ASB14: variants seen among roughly 807,000 people sequenced by gnomAD.
The protein encoded by ASB14 is ankyrin repeat and SOCS box protein 14.
ASB14 carries 63 observed loss-of-function variants against 55.6 expected under a neutral mutation model. The observed-to-expected ratio is 1.13, with a 90% CI of 0.92 to 1.40. The LOEUF (loss-of-function observed/expected upper bound fraction) is 1.40, where lower values mean the gene tolerates loss of function less well. ASB14 is among the 40% of genes most tolerant of loss of function. The pLI is 0.00. For synonymous variants in ASB14, 256 were observed against 259.9 expected (o/e 0.98, Z 0.15); for missense variants, 724 against 710.4 (o/e 1.02, Z -0.22).
intron 5 of ASB14, among the ~76,000 whole-genome samples, chr3:57,284,024 T>C: frequency 6.6e-6 from 1 of 151,844 alleles, no homozygotes; most frequent in East Asian, 1.9e-4. Context: ...CTTAAGTTTC[T>C]GTAAGGAAAT....
chr3:57,284,189 C>G (rs190712335), intron 5 of ASB14, among the ~76,000 whole-genome samples: 1 of 150,880 alleles, frequency 6.6e-6, no homozygotes. Context: ...TGCAGTGGTA[C>G]GATCATAGCT....
chr3:57,283,016 T>TA (rs2061051132), intron 6 of ASB14, 178 bp downstream of exon 6: 1 of 467,746 alleles, frequency 2.1e-6, no homozygotes, highest in African/African-American at 2.1e-5. Context: ...TCAGACCTAA[T>TA]AAAAAATTCA....
Position 57,276,586 on chromosome 3 carries a change from G to T in ASB14, c.1728C>A (p.Asp576Glu). 1.2e-6 allele frequency: 2 copies of T among 1,613,250 alleles called. No individual in the cohort carries two copies. Among genetic ancestry groups the T allele is most frequent in the Non-Finnish European group, 1.7e-6 (2 of 1,179,514 alleles). The part of the protein sequence containing the change: ...LKAYVLYKEY[D>E]LYGQGIFTGT... Reference sequence around the variant, plus strand: ...CTGTAAAAATTCCTTGTCCATAAAGGTCGTATTCTTTGTAAAGGACATATG... The same window carrying T: ...CTGTAAAAATTCCTTGTCCATAAAGTTCGTATTCTTTGTAAAGGACATATG... The change falls in exon 10 of 11, where the codon GAC becomes GAA. Residue 576 changes from aspartate (D) to glutamate (E), a missense_variant. Coordinates refer to ENST00000487349, the MANE Select transcript of ASB14 (RefSeq NM_001142733.3).
intron 1 of ASB14, among the ~76,000 whole-genome samples, 200 bp downstream of exon 1, chr3:57,292,433 G>A (rs1422717242): frequency 6.6e-6 from 1 of 152,168 alleles, no homozygotes; most frequent in African/African-American, 2.4e-5. Context: ...TACACACAGT[G>A]TGATGCTGAA....
chr3:57,280,492 T>C lies in ASB14; in HGVS notation c.716-19A>G. 1 of 1,531,860 alleles carries C rather than the reference T, an allele frequency of 6.5e-7. No individual in the cohort carries two copies. The highest frequency in any genetic ancestry group is 1.2e-5 in the South Asian group (1 of 82,224). 94.9% of individuals were successfully genotyped at this position (1,531,860 alleles called of 1,614,324 possible). On this transcript the variant is annotated intron_variant, in intron 6 of 10. Coordinates refer to ENST00000487349, the MANE Select transcript of ASB14 (RefSeq NM_001142733.3). ...TTAGCTCCTAAGAGGAGAAAGACTC[T>C]TGTTAATGCAAAAATTATTTTCCAC...
Position 57,291,938 on chromosome 3 carries a change from T to C in ASB14, c.96A>G (p.Thr32=), listed in dbSNP as rs1398547273. 1.3e-6 allele frequency: 2 copies of C among 1,536,468 alleles called. No individual in the cohort carries two copies. Among genetic ancestry groups the C allele is most frequent in the Non-Finnish European group, 1.7e-6 (2 of 1,146,114 alleles). The change falls in exon 2 of 11, where the codon ACA becomes ACG. Residue 32 remains threonine, a synonymous_variant. Transcript: ENST00000487349. The part of the protein sequence containing the change: ...QSLQDIYKPG[T]AQHAPKDESL... ...TCTCATCCTTAGGTGCATGTTGTGC[T>C]GTTCCTGGCTTATAAATATCCTGCA...
intron 2 of ASB14, among the ~76,000 whole-genome samples, chr3:57,291,527 C>A (rs972148663): frequency 3.3e-5 from 5 of 152,170 alleles, no homozygotes; most frequent in African/African-American, 1.2e-4. Context: ...GACCCCATCC[C>A]CACCTACCCT....
chr3:57,277,884 G>A lies in ASB14; in HGVS notation c.1468C>T (p.Leu490Phe). 1.2e-6 allele frequency: 2 copies of A among 1,613,868 alleles called. No individual in the cohort carries two copies. The highest frequency in any genetic ancestry group is 8.5e-7 in the Non-Finnish European group (1 of 1,179,866). ...EVITLSWLQH[L>F]SGKVVRVMLD... is the part of the protein sequence containing the mutation. ...ATCACTCGAACAACCTTTCCAGAGA[G>A]ATGTTGCAGCCATGACAAAGTTATT... Residue 490 changes from leucine to phenylalanine, a missense_variant, in exon 9 of 11, where the codon CTC becomes TTC. Coordinates refer to ENST00000487349, the MANE Select transcript of ASB14 (RefSeq NM_001142733.3).
Position 57,278,375 on chromosome 3 carries a change from A to G in ASB14, c.1431+2T>C, listed in dbSNP as rs1355082065. On this transcript the variant is annotated splice_donor_variant, in intron 8 of 10. Transcript: ENST00000487349. LOFTEE classifies it high-confidence loss of function. ...GGAATACAGCCAATACTGTGGACTTACCTTAGTATCTTTGATAACTGTAGA... is the reference window on the plus strand; with the variant it reads ...GGAATACAGCCAATACTGTGGACTTGCCTTAGTATCTTTGATAACTGTAGA... 6.2e-7 allele frequency: 1 copy of G among 1,610,064 alleles called. No individual in the cohort carries two copies. The highest frequency in any genetic ancestry group is 2.2e-5 in the East Asian group (1 of 44,836).
intron 2 of ASB14, among the ~76,000 whole-genome samples, chr3:57,291,474 G>C (rs943778565): frequency 6.6e-6 from 1 of 152,174 alleles, no homozygotes; most frequent in Admixed American, 6.5e-5. Context: ...CCTTGTTCAA[G>C]TTTATGTAAT....
At position 57,292,188 on chromosome 3, in the gene ASB14, A is replaced by C; in HGVS notation, c.-71-84T>G. 3.2e-6 allele frequency: 3 copies of C among 934,910 alleles called. No homozygotes were observed. The South Asian group carries it at 8.7e-5, about 27-fold the overall frequency. 57.9% of individuals were successfully genotyped at this position (934,910 alleles called of 1,614,324 possible). On this transcript the variant is annotated intron_variant, in intron 1 of 10. Coordinates refer to ENST00000487349, the MANE Select transcript of ASB14 (RefSeq NM_001142733.3). ...AAAATATACAAAATTTAGGAAACAA[A>C]ATATTCACTAAAAAATTTCTATAAA...
At chr3:57,284,395 C>G (rs1187587451) in intron 5 of ASB14, among the ~76,000 whole-genome samples, 1 of 152,132 alleles carries the variant, frequency 6.6e-6, no homozygotes, top group Non-Finnish European at 1.5e-5. Flanking sequence ...CTCCCAAAGG[C>G]TGGGATTACT....
In ASB14 at chr3:57,278,809, G is replaced by T; in HGVS notation, c.999C>A (p.Leu333=). The T allele has an allele frequency of 6.2e-7, 1 of 1,613,498 alleles. No individual in the cohort carries two copies. The highest frequency in any genetic ancestry group is 1.1e-5 in the South Asian group (1 of 90,954). Reference sequence around the variant, plus strand: ...AGTTCACATCAAATCCAGCCTGGATGAGGAGTTCCAGGCACTGAGGATGTG... The same window carrying T: ...AGTTCACATCAAATCCAGCCTGGATTAGGAGTTCCAGGCACTGAGGATGTG... ...AGAHPQCLEL[L]IQAGFDVNFM... The change falls in exon 8 of 11, where the codon CTC becomes CTA. Residue 333 remains leucine (L), a synonymous_variant. Transcript: ENST00000487349.
rs577136436 is a variant in ASB14, at chr3:57,285,565, A to G, written c.470-2126T>C. 1.1e-3 allele frequency among the ~76,000 whole-genome samples: 164 copies of G among 152,234 alleles called. 1 individual carries two copies. The highest frequency in any genetic ancestry group is 3.8e-3 in the African/African-American group (156 of 41,540). On this transcript the variant is annotated intron_variant, in intron 5 of 10. Coordinates refer to ENST00000487349, the MANE Select transcript of ASB14 (RefSeq NM_001142733.3). ...GCATAATTTTTGTTAAATATTTAAT[A>G]TTTACCTTCATGTATGTCATTCAAA...
At chr3:57,288,451 T>C (rs1045660752) in intron 3 of ASB14, among the ~76,000 whole-genome samples, 165 bp from the exon 4 acceptor site, 5 of 152,232 alleles carry the variant, frequency 3.3e-5, no homozygotes, top group Non-Finnish European at 2.9e-5. Context: ...AGGCCGGTCA[T>C]GTAGCGTTCC....
Position 57,292,111 on chromosome 3 carries a change from A to T in ASB14, c.-71-7T>A. ...CCAGTTGTGAAGAGATCAACTGCTT[A>T]AAATTACAAATGAAATTCAGAAATC... On this transcript the variant is annotated splice_region_variant and splice_polypyrimidine_tract_variant and intron_variant, in intron 1 of 10. Coordinates refer to ENST00000487349, the MANE Select transcript of ASB14 (RefSeq NM_001142733.3). 5 of 1,280,446 alleles carry T rather than the reference A, an allele frequency of 3.9e-6. No individual in the cohort carries two copies. The highest frequency in any genetic ancestry group is 5.0e-6 in the Non-Finnish European group (5 of 992,858). 79.3% of individuals were successfully genotyped at this position (1,280,446 alleles called of 1,614,324 possible).
chr3:57,269,961 G>T (rs774404915), intron 10 of ASB14: 2 of 238,716 alleles, frequency 8.4e-6, no homozygotes, highest in African/African-American at 2.2e-5. Flanking sequence ...ATTTGCTCAA[G>T]AATTTTTTCC....
chr3:57,285,745 T>TA (rs1179546903), intron 5 of ASB14, among the ~76,000 whole-genome samples: 1 of 152,172 alleles, frequency 6.6e-6, no homozygotes, highest in Non-Finnish European at 1.5e-5. Flanking sequence ...ATGTCATTCC[T>TA]AGCCCACCAT....
At chr3:57,277,002 A>G (rs1250385542) in intron 9 of ASB14, among the ~76,000 whole-genome samples, 2 of 152,160 alleles carry the variant, frequency 1.3e-5, no homozygotes, top group Admixed American at 6.5e-5. Flanking sequence ...GGGGTGGCTC[A>G]TGCCTGTAAT....
Sources: allele counts gnomAD v4.1 joint callset (sites outside exome capture counted in the v4.1 genomes callset), GRCh38; gene constraint gnomAD v4.1.1; transcripts MANE v1.5; gene names NCBI Gene and HGNC (gene_info 2026-07-23, HGNC 2026-07-21).